Variants in SPDYE4 observed in about 807,000 individuals in gnomAD.
SPDYE4 encodes the protein speedy protein E4.
A neutral mutation model predicts 37.5 loss-of-function variants in SPDYE4; 30 were observed. The observed-to-expected ratio is 0.80, with a 90% CI of 0.60 to 1.09. The LOEUF (loss-of-function observed/expected upper bound fraction) is 1.09. Ranked by LOEUF, SPDYE4 falls within the 50% of genes least tolerant of loss-of-function variation. The pLI is 0.00. For synonymous variants in SPDYE4, 131 were observed against 120.3 expected, an observed-to-expected ratio of 1.09 and a Z score of -0.58; for missense variants, 300 against 307.9, an observed-to-expected ratio of 0.97 and a Z score of 0.19.
At chr17:8,753,281 A>ACCCCCCCCCCCCCCCCCCCCC in intron 5 of SPDYE4, 40 bp downstream of exon 5, 1 of 388,128 alleles carries the variant, frequency 2.6e-6, no homozygotes, top group Non-Finnish European at 3.7e-6. Context: ...AGTCCACCCC[A>ACCCCCCCCCCCCCCCCCCCCC]TCCCTCCCCA....
rs2086747531 is a variant in SPDYE4 at position 8,753,495 on chromosome 17, G to C, written c.486-6C>G. The stretch of plus-strand genomic sequence containing the variant: ...CCATGTCACTGGCCAGGTAGCTGGG[G>C]AGAGAGATCAGGTTGCTGCTCAGGG... On this transcript the variant is annotated splice_polypyrimidine_tract_variant and splice_region_variant and intron_variant, in intron 4 of 6. Transcript: ENST00000689094. 6.2e-7 allele frequency: 1 copy of C among 1,613,434 alleles called. No homozygotes were observed.
Position 8,757,190 on chromosome 17 carries a change from A to C in SPDYE4, c.340+72T>G, listed in dbSNP as rs1466717469. The C allele has an allele frequency of 3.5e-6, 5 of 1,408,746 alleles. No homozygotes were observed. In the African/African-American group the frequency reaches 5.7e-5, roughly 16 times the overall value. 87.3% of individuals were successfully genotyped at this position (1,408,746 alleles called of 1,614,324 possible). On this transcript the variant is annotated intron_variant, in intron 2 of 6. Coordinates refer to ENST00000689094, the MANE Select transcript of SPDYE4 (RefSeq NM_001394956.1). ...GAGGGCATATTCTTCTTATTGGGAA[A>C]GTGTGATTATTGAAAGATTCCACTT...
At chr17:8,757,531 C>T in intron 1 of SPDYE4, 39 bp from the exon 2 acceptor site, 2 of 1,596,686 alleles carry the variant, frequency 1.3e-6, no homozygotes, top group Non-Finnish European at 1.7e-6. Flanking sequence ...ATGTTTCTGC[C>T]ATTGATCACC....
intron 4 of SPDYE4, 52 bp downstream of exon 4, chr17:8,755,468 C>T (rs894261870): frequency 6.3e-7 from 1 of 1,577,798 alleles, no homozygotes; most frequent in Non-Finnish European, 8.7e-7. Context: ...CCACTTCGTC[C>T]ACTGTCCCAG....
chr17:8,747,638 C>A (rs888225736), downstream of SPDYE4, among the ~76,000 whole-genome samples: 12 of 152,088 alleles, frequency 7.9e-5, 1 homozygote, highest in Admixed American at 3.9e-4. Context: ...GTTTTTTTGC[C>A]AATGGTGAGA....
downstream of SPDYE4, among the ~76,000 whole-genome samples, chr17:8,750,658 T>C (rs1408413373): frequency 6.6e-6 from 1 of 152,016 alleles, no homozygotes; most frequent in African/African-American, 2.4e-5. Context: ...TGCAGTGAGC[T>C]GAGATTGCGC....
chr17:8,755,567 G>A lies in SPDYE4; in HGVS notation c.438C>T (p.Ala146=), dbSNP rs1291643521. 25 of 1,612,524 alleles carry A rather than the reference G, an allele frequency of 1.6e-5. No individual in the cohort carries two copies. The highest frequency in any genetic ancestry group is 2.2e-5 in the South Asian group (2 of 91,028). ...GTTGGTATTGCCACGAGAAGAGGCC[G>A]GCACGGCTAAAATACGCTATGACCA... ...LAMVIAYFSR[A]GLFSWQYQRI... is the part of the protein sequence containing the mutation. Residue 146 remains alanine, a synonymous_variant, in exon 4 of 7, where the codon GCC becomes GCT. Coordinates refer to ENST00000689094, the MANE Select transcript of SPDYE4 (RefSeq NM_001394956.1).
In SPDYE4 at chr17:8,755,369, A is replaced by T. The variant is rs565829603; in HGVS notation, c.485+151T>A. ...TTGTGTTTGTTTTTAGAAAGAACAG[A>T]CTAAGAACACCATAGTATAATCTTA... is the stretch of plus-strand genomic sequence containing the variant. On this transcript the variant is annotated intron_variant, in intron 4 of 6. Transcript: ENST00000689094. 16 of 990,938 alleles carry T rather than the reference A, an allele frequency of 1.6e-5. No individual in the cohort carries two copies. In the South Asian group the frequency reaches 2.5e-4, roughly 16 times the overall value. 61.4% of individuals were successfully genotyped at this position (990,938 alleles called of 1,614,324 possible).
At chr17:8,757,809 T>G (rs551949447) in intron 1 of SPDYE4, among the ~76,000 whole-genome samples, 10 of 144,866 alleles carry the variant, frequency 6.9e-5, no homozygotes, top group Admixed American at 5.6e-4. Context: ...TGAGATGGAG[T>G]CTCCCTCTTG....
downstream of SPDYE4, among the ~76,000 whole-genome samples, chr17:8,748,219 G>A (rs568859255): frequency 1.3e-5 from 2 of 152,336 alleles, no homozygotes; most frequent in South Asian, 4.1e-4. Flanking sequence ...GAGCCTTTGG[G>A]ATGTATTAGC....
At chr17:8,753,689 T>C (rs1401865339) in intron 4 of SPDYE4, among the ~76,000 whole-genome samples, 200 bp from the exon 5 acceptor site, 2 of 152,104 alleles carry the variant, frequency 1.3e-5, no homozygotes, top group African/African-American at 4.8e-5. Context: ...AGGAAGGAGA[T>C]GATCCAAGTG....
intron 3 of SPDYE4, 33 bp from the exon 4 acceptor site, chr17:8,755,638 G>A: frequency 6.2e-7 from 1 of 1,605,984 alleles, no homozygotes; most frequent in Non-Finnish European, 8.5e-7. Context: ...GAGAGAGAAA[G>A]GTTGGTCACA....
At chr17:8,749,116 C>T (rs1785116931), downstream of SPDYE4, among the ~76,000 whole-genome samples, 1 of 141,324 alleles carries the variant, frequency 7.1e-6, no homozygotes, top group South Asian at 2.2e-4. Flanking sequence ...TTTTTTGAGA[C>T]AGGGTCCTGC....
intron 4 of SPDYE4, among the ~76,000 whole-genome samples, chr17:8,753,899 C>T (rs1245755935): frequency 1.3e-5 from 2 of 152,134 alleles, no homozygotes; most frequent in African/African-American, 2.4e-5. Flanking sequence ...TCATCCTAGT[C>T]CCCATCCCTG....
downstream of SPDYE4, among the ~76,000 whole-genome samples, chr17:8,750,411 A>AAAT (rs1007257341): frequency 2.6e-5 from 4 of 151,220 alleles, no homozygotes; most frequent in African/African-American, 7.3e-5. Context: ...TAAATAAATA[A>AAAT]AATAAAATAA....
intron 1 of SPDYE4, 36 bp downstream of exon 1, chr17:8,758,238 A>C: frequency 6.8e-7 from 1 of 1,472,980 alleles, no homozygotes; most frequent in Non-Finnish European, 9.1e-7. Context: ...TCCTCAGTCA[A>C]TCATCTCCCA....
intron 4 of SPDYE4, 82 bp from the exon 5 acceptor site, chr17:8,753,571 C>A: frequency 6.5e-6 from 10 of 1,528,092 alleles, no homozygotes; most frequent in Non-Finnish European, 8.9e-7. Flanking sequence ...GAGAGGAGGG[C>A]AGGGGACCTT....
In SPDYE4 at chr17:8,753,474, G is replaced by A. The variant is rs1329757038; in HGVS notation, c.501C>T (p.Asp167=). The A allele has an allele frequency of 6.2e-6, 10 of 1,613,786 alleles. No homozygotes were observed. Among genetic ancestry groups the A allele is most frequent in the Non-Finnish European group, 8.5e-6 (10 of 1,179,888 alleles). The change falls in exon 5 of 7, where the codon GAC becomes GAT. Residue 167 remains aspartate (D), a synonymous_variant. Coordinates refer to ENST00000689094, the MANE Select transcript of SPDYE4 (RefSeq NM_001394956.1). ...HFFLALYLAS[D]MEEDNQAPKQ... Reference sequence around the variant, plus strand: ...TCGGGGCCTGGTTGTCCTCCTCCATGTCACTGGCCAGGTAGCTGGGGAGAG... The same window carrying A: ...TCGGGGCCTGGTTGTCCTCCTCCATATCACTGGCCAGGTAGCTGGGGAGAG...
rs952766561 is a variant in SPDYE4 at position 8,758,378 on chromosome 17, G to A, written c.5C>T (p.Ala2Val). The A allele has an allele frequency of 6.8e-5, 105 of 1,551,292 alleles. No homozygotes were observed. The highest frequency in any genetic ancestry group is 9.0e-5 in the Non-Finnish European group (103 of 1,146,758). Reference sequence around the variant, plus strand: ...AAACGGGGGGCGCGCTTGACCACTGGCCATAATCTCTCCCAAACACTTTGT... The same window carrying A: ...AAACGGGGGGCGCGCTTGACCACTGACCATAATCTCTCCCAAACACTTTGT... M[A>V]SGQARPPFEE... The change falls in exon 1 of 7, where the codon GCC (alanine) becomes GTC (valine). Residue 2 changes from alanine (A) to valine (V), a missense_variant. Coordinates refer to ENST00000689094, the MANE Select transcript of SPDYE4 (RefSeq NM_001394956.1).
Sources: allele counts gnomAD v4.1 joint callset (sites outside exome capture counted in the v4.1 genomes callset), GRCh38; gene constraint gnomAD v4.1.1; transcripts MANE v1.5; gene names NCBI Gene and HGNC (gene_info 2026-07-23, HGNC 2026-07-21).